KCNIP4: variants seen among roughly 807,000 people sequenced by gnomAD.
KCNIP4 encodes the protein Kv channel-interacting protein 4.
In KCNIP4, 12 loss-of-function variants were observed where a neutral mutation model predicts 34.0. The observed-to-expected ratio is 0.35, with a 90% CI of 0.23 to 0.57. The LOEUF is 0.57. Among genes scored for constraint, KCNIP4 ranks in the 20% least tolerant of loss-of-function variants. The pLI, the probability that KCNIP4 is intolerant of heterozygous loss-of-function variation, is 0.83. For synonymous variants in KCNIP4, 124 were observed against 102.2 expected, an observed-to-expected ratio of 1.21 and a Z score of -1.29; for missense variants, 238 against 311.7, an observed-to-expected ratio of 0.76 and a Z score of 1.78.
intron 4 of KCNIP4, among the ~76,000 whole-genome samples, chr4:20,753,650 A>C (rs1299643049): frequency 1.3e-5 from 2 of 152,200 alleles, no homozygotes; most frequent in African/African-American, 4.8e-5. Context: ...TTGAATATAC[A>C]ATTCATGACA....
intron 1 of KCNIP4, among the ~76,000 whole-genome samples, chr4:21,817,590 C>A (rs558909695): frequency 2.5e-4 from 38 of 152,254 alleles, no homozygotes; most frequent in African/African-American, 8.7e-4. Flanking sequence ...TTGCTAAATT[C>A]TTTTCCTAGC....
intron 1 of KCNIP4, among the ~76,000 whole-genome samples, chr4:21,763,586 G>C (rs1363255621): frequency 6.6e-6 from 1 of 152,066 alleles, no homozygotes. Flanking sequence ...GGCAATGGTA[G>C]GTATATAATA....
intron 1 of KCNIP4, among the ~76,000 whole-genome samples, chr4:21,114,272 C>G (rs927816462): frequency 6.6e-6 from 1 of 152,126 alleles, no homozygotes; most frequent in Non-Finnish European, 1.5e-5. Flanking sequence ...ACATAGCTCA[C>G]CAGTGTTTTT....
chr4:21,938,977 T>C (rs1280999032), intron 1 of KCNIP4, among the ~76,000 whole-genome samples: 1 of 152,182 alleles, frequency 6.6e-6, no homozygotes, highest in Non-Finnish European at 1.5e-5. Context: ...TCAAAAATAT[T>C]TCTAAAACTA....
intron 7 of KCNIP4, among the ~76,000 whole-genome samples, chr4:20,732,346 T>C (rs1268101884): frequency 6.6e-6 from 1 of 152,166 alleles, no homozygotes; most frequent in Admixed American, 6.5e-5. Flanking sequence ...CTTGCGCAAT[T>C]TGCTGAAACT....
In KCNIP4 at chr4:21,190,350, A is replaced by G. The variant is rs73805060; in HGVS notation, c.62-307641T>C. Among the ~76,000 whole-genome samples the G allele has an allele frequency of 5.2e-3, 798 of 152,250 alleles. 3 individuals are homozygous for G. The highest frequency in any genetic ancestry group is 0.017 in the African/African-American group (688 of 41,552). On this transcript the variant is annotated intron_variant, in intron 1 of 8. Transcript: ENST00000382152. ...GGTTCGTTGGTATTGGTTAGTATTC[A>G]TTAGTATTGGTTCGTTGGTATTTGG...
chr4:21,344,322 A>G (rs1398020985), intron 1 of KCNIP4, among the ~76,000 whole-genome samples: 5 of 152,138 alleles, frequency 3.3e-5, no homozygotes, highest in Non-Finnish European at 7.4e-5. Flanking sequence ...TGGGAAAGGA[A>G]AGGTCAAGAG....
At chr4:21,913,487 C>T (rs1416673785) in intron 1 of KCNIP4, among the ~76,000 whole-genome samples, 2 of 152,120 alleles carry the variant, frequency 1.3e-5, no homozygotes, top group African/African-American at 4.8e-5. Context: ...CACAAGCAAC[C>T]TCTCTGATCT....
At chr4:21,484,546 G>T (rs1175603480) in intron 1 of KCNIP4, among the ~76,000 whole-genome samples, 1 of 152,162 alleles carries the variant, frequency 6.6e-6, no homozygotes, top group African/African-American at 2.4e-5. Context: ...TGTTGTGCAG[G>T]TTATAGGCAT....
chr4:21,796,985 A>G (rs959437367), intron 1 of KCNIP4, among the ~76,000 whole-genome samples: 1 of 152,178 alleles, frequency 6.6e-6, no homozygotes, highest in African/African-American at 2.4e-5. Flanking sequence ...TCTGAGCAAG[A>G]GGCTCCATTT....
intron 1 of KCNIP4, among the ~76,000 whole-genome samples, chr4:21,554,791 C>G (rs1738857199): frequency 6.6e-6 from 1 of 152,104 alleles, no homozygotes; most frequent in Non-Finnish European, 1.5e-5. Flanking sequence ...TGTTTACAAG[C>G]CTTCCTCCTT....
chr4:21,685,338 C>T (rs1268261622), intron 1 of KCNIP4, among the ~76,000 whole-genome samples: 1 of 152,110 alleles, frequency 6.6e-6, no homozygotes, highest in Non-Finnish European at 1.5e-5. Flanking sequence ...CTCAGCAGAA[C>T]CTTGAATTGG....
intron 1 of KCNIP4, among the ~76,000 whole-genome samples, chr4:21,365,852 C>T (rs1241836620): frequency 6.6e-6 from 1 of 152,188 alleles, no homozygotes; most frequent in East Asian, 1.9e-4. Context: ...TATCTGTCTA[C>T]CAAACTCAAG....
chr4:21,118,086 G>T (rs994001222), intron 1 of KCNIP4, among the ~76,000 whole-genome samples: 4 of 152,150 alleles, frequency 2.6e-5, no homozygotes, highest in African/African-American at 7.2e-5. Context: ...TTTAACTTGT[G>T]TGTGTGTGTT....
At chr4:21,015,691 TATA>T (rs1439951000) in intron 1 of KCNIP4, among the ~76,000 whole-genome samples, 1 of 132,640 alleles carries the variant, frequency 7.5e-6, no homozygotes, top group Non-Finnish European at 1.5e-5. Context: ...ATTGCATTAA[TATA>T]ATATAATATA....
At chr4:21,389,486 T>C (rs1275033972) in intron 1 of KCNIP4, among the ~76,000 whole-genome samples, 1 of 120,322 alleles carries the variant, frequency 8.3e-6, no homozygotes, top group African/African-American at 3.3e-5. Context: ...CAGTGTGTGA[T>C]GTTCCTCTTC....
At chr4:20,983,053 GTGTT>G (rs1371351983) in intron 1 of KCNIP4, among the ~76,000 whole-genome samples, 2 of 152,180 alleles carry the variant, frequency 1.3e-5, no homozygotes, top group Non-Finnish European at 2.9e-5. Flanking sequence ...ATATGTGTGT[GTGTT>G]TGATACATAC....
At chr4:21,655,598 A>G (rs1369179372) in intron 1 of KCNIP4, among the ~76,000 whole-genome samples, 3 of 152,216 alleles carry the variant, frequency 2.0e-5, no homozygotes, top group Non-Finnish European at 2.9e-5. Flanking sequence ...GTTGATGAGA[A>G]TATTGACATC....
chr4:21,457,825 C>A (rs1027942408), intron 1 of KCNIP4, among the ~76,000 whole-genome samples: 2 of 151,944 alleles, frequency 1.3e-5, no homozygotes, highest in Admixed American at 6.6e-5. Context: ...AAAAAGAATA[C>A]CTTCTCTAAC....
Sources: gnomAD v4.1 joint callset for allele counts (sites outside exome capture counted in the v4.1 genomes callset) on GRCh38, gnomAD v4.1.1 for gene constraint, MANE v1.5 for transcripts, NCBI Gene and HGNC (gene_info 2026-07-23, HGNC 2026-07-21) for gene names.